The following MACF1 variants were observed in gnomAD, a reference collection of about 807,000 sequenced individuals.
MACF1 encodes the protein microtubule actin crosslinking factor 1, also known as microtubule-actin cross-linking factor 1.
In MACF1, 193 loss-of-function variants were observed where a neutral mutation model predicts 854.8. That is an observed-to-expected ratio of 0.23 (90% CI 0.20 to 0.25). MACF1 has a LOEUF of 0.25. Ranked by LOEUF, MACF1 falls within the 10% of genes least tolerant of loss-of-function variation. MACF1 has a pLI of 1.00. For synonymous variants in MACF1, 3,185 were observed against 3,226.7 expected, an observed-to-expected ratio of 0.99 and a Z score of 0.44; for missense variants, 7,722 against 8,929.1, an observed-to-expected ratio of 0.86 and a Z score of 5.45.
chr1:39,346,621 G>A (rs1255332346), intron 40 of MACF1, among the ~76,000 whole-genome samples: 3 of 150,328 alleles, frequency 2.0e-5, no homozygotes, highest in Non-Finnish European at 4.4e-5. Context: ...CCGGGTTCAC[G>A]CCATTCTCCT....
intron 58 of MACF1, among the ~76,000 whole-genome samples, chr1:39,416,329 C>G (rs653064): frequency 0.061 from 9,310 of 151,448 alleles, 458 homozygotes; most frequent in East Asian, 0.16. Context: ...AGTAGGTCAA[C>G]AACAGAGCCA....
At chr1:39,276,540 TCA>T (rs1166944033) in intron 6 of MACF1, among the ~76,000 whole-genome samples, 2 of 152,218 alleles carry the variant, frequency 1.3e-5, no homozygotes, top group Non-Finnish European at 2.9e-5. Flanking sequence ...TCACCTTATC[TCA>T]GTTTGTTTAC....
intron 2 of MACF1, among the ~76,000 whole-genome samples, chr1:39,123,722 T>G (rs531445775): frequency 4.2e-4 from 57 of 135,992 alleles, no homozygotes; most frequent in African/African-American, 1.2e-3. Context: ...GTTTTGTTTT[T>G]TTTTTTTTTT....
chr1:39,182,024 A>G (rs689228), intron 2 of MACF1, among the ~76,000 whole-genome samples: 143,647 of 151,892 alleles, frequency 0.95, 67,999 homozygotes, highest in East Asian at 1. Flanking sequence ...GGTGGCGGGC[A>G]CCTGTAATCC....
Position 39,360,955 on chromosome 1 carries a change from C to T in MACF1, c.12407C>T (p.Ser4136Leu), listed in dbSNP as rs371937349. Residue 4136 changes from serine (S) to leucine (L), a missense_variant, in exon 48 of 101, where the codon TCA becomes TTA. By Grantham distance (145) the Ser-to-Leu change is moderately radical. Coordinates refer to ENST00000564288, the MANE Select transcript of MACF1 (RefSeq NM_001394062.1). ...CAAAACCTGGAAGGGAAGCAGGTGT[C>T]ATCACTCTCATCAGGAGTCATCCAG... The part of the protein sequence containing the change: ...VEQNLEGKQV[S>L]SLSSGVIQEA... 8.7e-6 allele frequency: 14 copies of T among 1,613,948 alleles called. No individual in the cohort carries two copies. The African/African-American group carries it at 1.9e-4, about 22-fold the overall frequency.
rs574152251 is a variant in MACF1 at position 39,084,520 on chromosome 1, G to A, written c.220+82G>A. On this transcript the variant is annotated intron_variant, in intron 2 of 93. Coordinates refer to the MACF1 transcript ENST00000361689. The surrounding 1 kb of genome is among the most constrained non-coding windows in gnomAD (Gnocchi z 5.2). The stretch of plus-strand genomic sequence containing the variant: ...GGGCACAGCAGCTGTGTGGGGAGCC[G>A]AGGGGTCCTCACCAGGGCCTCTGAC... 38 of 1,184,754 alleles carry A rather than the reference G, an allele frequency of 3.2e-5. No homozygotes were observed. Among genetic ancestry groups the A allele is most frequent in the South Asian group, 1.5e-4 (11 of 75,652 alleles). The allele number at this position is 1,184,754 out of a possible 1,614,324, so 73.4% of individuals were successfully genotyped here. A position where few individuals can be genotyped will look rare whatever the true frequency, so the allele number is the denominator to read the frequency against.
intron 2 of MACF1, among the ~76,000 whole-genome samples, chr1:39,232,753 T>G (rs1248495810): frequency 3.3e-4 from 14 of 43,056 alleles, no homozygotes; most frequent in African/African-American, 5.3e-4. Context: ...TTTGTTTTTT[T>G]TTTTTTTTTT....
At chr1:39,236,716 CA>C (rs1421733136) in intron 2 of MACF1, among the ~76,000 whole-genome samples, 1 of 152,090 alleles carries the variant, frequency 6.6e-6, no homozygotes, top group African/African-American at 2.4e-5. Context: ...GGCTGGAGTG[CA>C]GTGGCGCAAT....
chr1:39,317,267 G>A lies in MACF1; in HGVS notation c.3642G>A (p.Glu1214=). 1.2e-6 allele frequency: 2 copies of A among 1,614,116 alleles called. No individual in the cohort carries two copies. The highest frequency in any genetic ancestry group is 1.7e-6 in the Non-Finnish European group (2 of 1,180,028). ...DKNSVFSVLD[E]EIAKAKVVAE... ...ATTCAGTGTTTTCAGTCCTGGATGAGGAAATTGCCAAGGCCAAGGTAGTGG... is the reference window on the plus strand; with the variant it reads ...ATTCAGTGTTTTCAGTCCTGGATGAAGAAATTGCCAAGGCCAAGGTAGTGG... The change falls in exon 29 of 101, where the codon GAG becomes GAA. Residue 1214 remains glutamate, a synonymous_variant. Transcript: ENST00000564288.
chr1:39,279,009 CT>C (rs1645492721), intron 6 of MACF1, among the ~76,000 whole-genome samples: 2 of 152,170 alleles, frequency 1.3e-5, no homozygotes, highest in African/African-American at 4.8e-5. Flanking sequence ...CCACTTACTG[CT>C]TTTGTTGCTT....
At chr1:39,085,755 A>T (rs970705674) in intron 2 of MACF1, among the ~76,000 whole-genome samples, 7 of 152,268 alleles carry the variant, frequency 4.6e-5, no homozygotes, top group Admixed American at 3.9e-4. Context: ...CTGTGGAATC[A>T]AGGCTTCAGC....
chr1:39,290,035 T>C (rs1162557947), intron 15 of MACF1, among the ~76,000 whole-genome samples: 1 of 152,142 alleles, frequency 6.6e-6, no homozygotes, highest in Non-Finnish European at 1.5e-5. Context: ...GTGCAGAAGC[T>C]TGTTAACTTG....
intron 6 of MACF1, among the ~76,000 whole-genome samples, chr1:39,271,227 G>A (rs1298060075): frequency 1.3e-5 from 2 of 152,182 alleles, no homozygotes; most frequent in African/African-American, 4.8e-5. Flanking sequence ...CAGAAAGCAT[G>A]ATGCTGGCAT....
At chr1:39,324,498 G>T in intron 34 of MACF1, 148 bp from the exon 35 acceptor site, 1 of 1,126,886 alleles carries the variant, frequency 8.9e-7, no homozygotes, top group Non-Finnish European at 1.2e-6. Flanking sequence ...GTTTGTTCTT[G>T]TACCTTTTTA....
At chr1:39,175,702 C>T (rs1002143943) in intron 2 of MACF1, among the ~76,000 whole-genome samples, 1 of 152,076 alleles carries the variant, frequency 6.6e-6, no homozygotes, top group African/African-American at 2.4e-5. Flanking sequence ...CCTATAATCC[C>T]AGCACTTTGG....
intron 4 of MACF1, 57 bp downstream of exon 4, chr1:39,251,998 A>G: frequency 1.6e-6 from 2 of 1,243,030 alleles, no homozygotes; most frequent in South Asian, 1.8e-5. Context: ...CTGCAGGGCC[A>G]TCAGAGTCTG....
At chr1:39,385,096 C>G (rs2148563460) in intron 56 of MACF1, among the ~76,000 whole-genome samples, 1 of 152,280 alleles carries the variant, frequency 6.6e-6, no homozygotes, top group East Asian at 1.9e-4. Flanking sequence ...GAGACAAGGT[C>G]TCACTCTGTT....
intron 90 of MACF1, chr1:39,458,864 A>G: frequency 3.8e-6 from 2 of 533,328 alleles, no homozygotes; most frequent in Non-Finnish European, 6.5e-6. Flanking sequence ...AAGGTAGGAC[A>G]GAATTGCTTG....
At chr1:39,263,799 A>G (rs1327272777) in intron 6 of MACF1, among the ~76,000 whole-genome samples, 7 of 97,592 alleles carry the variant, frequency 7.2e-5, no homozygotes, top group Admixed American at 1.6e-4. Flanking sequence ...TTTGAGACGG[A>G]GTCTCACTCT....
Sources: gnomAD v4.1 joint callset for allele counts (sites outside exome capture counted in the v4.1 genomes callset) on GRCh38, gnomAD v4.1.1 for gene constraint, Gnocchi (gnomAD v3.1) non-coding constraint, MANE v1.5 for transcripts, NCBI Gene and HGNC (gene_info 2026-07-23, HGNC 2026-07-21) for gene names.